MAGI2: variants seen among roughly 807,000 people sequenced by gnomAD.
MAGI2 encodes membrane associated guanylate kinase, WW and PDZ domain containing 2.
MAGI2 carries 35 observed loss-of-function variants against 133.3 expected under a neutral mutation model. The ratio of observed to expected loss-of-function variants is 0.26; its 90% CI spans 0.20 to 0.35. The LOEUF is 0.35. Among genes scored for constraint, MAGI2 ranks in the 10% least tolerant of loss-of-function variants. MAGI2 has a pLI of 1.00. For missense variants in MAGI2, 1,636 were observed against 1,863.4 expected, an observed-to-expected ratio of 0.88 and a Z score of 2.25; for synonymous variants, 729 against 710.6, an observed-to-expected ratio of 1.03 and a Z score of -0.41.
intron 2 of MAGI2, among the ~76,000 whole-genome samples, chr7:78,817,010 A>G (rs1414994821): frequency 6.6e-6 from 1 of 152,232 alleles, no homozygotes; most frequent in Non-Finnish European, 1.5e-5. Flanking sequence ...TTCACCATTA[A>G]GAACATTCAT....
At chr7:78,219,563 C>T (rs1340153212) in intron 10 of MAGI2, among the ~76,000 whole-genome samples, 3 of 152,012 alleles carry the variant, frequency 2.0e-5, no homozygotes, top group Non-Finnish European at 2.9e-5. Flanking sequence ...CCTTGTCCTT[C>T]CCCCCCACCG....
chr7:78,318,893 A>C (rs1309882375), intron 9 of MAGI2, among the ~76,000 whole-genome samples: 1 of 152,190 alleles, frequency 6.6e-6, no homozygotes, highest in African/African-American at 2.4e-5. Flanking sequence ...GAGAAATAAA[A>C]TCCGTTACAG....
At chr7:78,414,174 T>C (rs1798095667) in intron 6 of MAGI2, among the ~76,000 whole-genome samples, 1 of 152,038 alleles carries the variant, frequency 6.6e-6, no homozygotes. Flanking sequence ...TTTTAGTAAG[T>C]TGGCAACGAC....
intron 7 of MAGI2, among the ~76,000 whole-genome samples, chr7:78,360,597 C>T (rs1562885616): frequency 1.3e-5 from 2 of 152,218 alleles, no homozygotes; most frequent in Non-Finnish European, 2.9e-5. Flanking sequence ...TAATCATCAT[C>T]TACCTGTCAT....
At chr7:78,510,233 C>T (rs1359049745) in intron 4 of MAGI2, among the ~76,000 whole-genome samples, 1 of 152,168 alleles carries the variant, frequency 6.6e-6, no homozygotes, top group African/African-American at 2.4e-5. Context: ...TGTCAGGCCA[C>T]CTAGGTTTGA....
At chr7:78,570,405 GATA>G (rs1801383843) in intron 3 of MAGI2, among the ~76,000 whole-genome samples, 1 of 152,072 alleles carries the variant, frequency 6.6e-6, no homozygotes, top group Admixed American at 6.6e-5. Flanking sequence ...TAATTCTTAA[GATA>G]ATAAATGGAA....
At chr7:78,675,982 A>C (rs1020482096) in intron 2 of MAGI2, among the ~76,000 whole-genome samples, 1 of 152,180 alleles carries the variant, frequency 6.6e-6, no homozygotes, top group African/African-American at 2.4e-5. Flanking sequence ...GGTATATCCT[A>C]AAACACCATT....
Position 78,521,466 on chromosome 7 carries a change from G to A in MAGI2, c.718C>T (p.Pro240Ser). The A allele has an allele frequency of 1.2e-6, 2 of 1,613,900 alleles. No homozygotes were observed. Among genetic ancestry groups the A allele is most frequent in the Non-Finnish European group, 8.5e-7 (1 of 1,179,972 alleles). Reference protein sequence around the residue: ...EPPEEEEEERPVVNGNGVVVT... With the variant: ...EPPEEEEEERSVVNGNGVVVT... ...ACTACTCCATTTCCATTGACCACAGGCCTCTCTTCCTCTTCCTCCTCAGGA... is the reference window on the plus strand; with the variant it reads ...ACTACTCCATTTCCATTGACCACAGACCTCTCTTCCTCTTCCTCCTCAGGA... Residue 240 changes from proline (P) to serine (S), a missense_variant, in exon 4 of 22, where the codon CCT (proline) becomes TCT (serine). Coordinates refer to ENST00000354212, the MANE Select transcript of MAGI2 (RefSeq NM_012301.4).
intron 1 of MAGI2, among the ~76,000 whole-genome samples, chr7:79,277,045 T>C (rs1464323041): frequency 6.6e-6 from 1 of 152,088 alleles, no homozygotes; most frequent in Non-Finnish European, 1.5e-5. Context: ...CTGACTCCAG[T>C]TTCAAAAGAA....
chr7:78,764,079 A>G (rs950230542), intron 2 of MAGI2, among the ~76,000 whole-genome samples: 4 of 152,224 alleles, frequency 2.6e-5, no homozygotes, highest in Admixed American at 6.5e-5. Flanking sequence ...GAGGAAAAGA[A>G]TGTTTCTTCC....
intron 2 of MAGI2, among the ~76,000 whole-genome samples, chr7:78,962,740 G>C (rs949622094): frequency 2.0e-5 from 3 of 151,884 alleles, no homozygotes; most frequent in Non-Finnish European, 4.4e-5. Flanking sequence ...ATTTAACTTA[G>C]TGGCAAAGAT....
intron 2 of MAGI2, among the ~76,000 whole-genome samples, chr7:78,683,271 T>C (rs924715076): frequency 6.6e-6 from 1 of 152,154 alleles, no homozygotes; most frequent in Non-Finnish European, 1.5e-5. Context: ...GCTATTGCGA[T>C]AGTGCTACAA....
At chr7:79,324,194 C>T (rs1839416835) in intron 1 of MAGI2, among the ~76,000 whole-genome samples, 1 of 151,676 alleles carries the variant, frequency 6.6e-6, no homozygotes, top group Admixed American at 6.6e-5. Context: ...ATTTTCTCTT[C>T]TATTTTTATT....
In MAGI2 at chr7:78,339,714, T is replaced by C. The variant is rs1278135245; in HGVS notation, c.1408+4064A>G. ...TGATGTTTGTGAGGTTTTGGCAACA[T>C]GAAGATGTGGATGCTCAGTAAAATA... On this transcript the variant is annotated intron_variant, in intron 9 of 21. Transcript: ENST00000354212. Among the ~76,000 whole-genome samples, 4 of 152,222 alleles carry C rather than the reference T, an allele frequency of 2.6e-5. No individual in the cohort carries two copies. The South Asian group carries it at 6.2e-4, about 24-fold the overall frequency.
chr7:78,088,679 G>A (rs1328710292), intron 20 of MAGI2, among the ~76,000 whole-genome samples: 4 of 152,160 alleles, frequency 2.6e-5, no homozygotes, highest in Non-Finnish European at 5.9e-5. Flanking sequence ...AGCTGGAGCT[G>A]TAGCGGGAAG....
At chr7:78,299,442 T>C (rs532011350) in intron 9 of MAGI2, among the ~76,000 whole-genome samples, 6 of 151,256 alleles carry the variant, frequency 4.0e-5, no homozygotes, top group African/African-American at 1.2e-4. Context: ...AAAATGCTTA[T>C]GATACAAAGC....
chr7:78,687,451 G>C (rs945375003), intron 2 of MAGI2, among the ~76,000 whole-genome samples: 2 of 152,112 alleles, frequency 1.3e-5, no homozygotes, highest in African/African-American at 2.4e-5. Context: ...GAAATGCTAG[G>C]CATAATTTTT....
chr7:79,256,417 A>G (rs1833683612), intron 1 of MAGI2, among the ~76,000 whole-genome samples: 1 of 150,554 alleles, frequency 6.6e-6, no homozygotes, highest in Non-Finnish European at 1.5e-5. Flanking sequence ...AGTTTCTCAT[A>G]TTCATTAGGA....
At chr7:79,148,956 T>C (rs1822920821) in intron 1 of MAGI2, among the ~76,000 whole-genome samples, 1 of 146,544 alleles carries the variant, frequency 6.8e-6, no homozygotes, top group East Asian at 2.0e-4. Context: ...AATACCATGT[T>C]TGCATTGCTC....
Sources: allele counts gnomAD v4.1 joint callset (sites outside exome capture counted in the v4.1 genomes callset), GRCh38; gene constraint gnomAD v4.1.1; transcripts MANE v1.5; gene names NCBI Gene and HGNC (gene_info 2026-07-23, HGNC 2026-07-21).